The following C2CD4D variants were observed in gnomAD, a reference collection of about 807,000 sequenced individuals.
The protein encoded by C2CD4D is C2 calcium dependent domain containing 4D.
In C2CD4D, 1 loss-of-function variant was observed where a neutral mutation model predicts 0.2. The observed-to-expected ratio is 4.00, with a 90% CI of 1.42 to 18.99. C2CD4D has a LOEUF of 18.99. Ranked by LOEUF, C2CD4D falls within the 30% of genes most tolerant of loss-of-function variation. C2CD4D has a pLI of 0.11. For synonymous variants in C2CD4D, 269 were observed against 279.8 expected (o/e 0.96, Z 0.39); for missense variants, 552 against 551.2 (o/e 1.00, Z -0.01).
exon 2 of C2CD4D, chr1:151,838,254 G>A (rs1215738370): frequency 7.5e-7 from 1 of 1,328,566 alleles, no homozygotes; most frequent in South Asian, 2.4e-5. Flanking sequence ...GACCGCGGCC[G>A]GGGCAGGCCC....
At chr1:151,838,436 C>A in exon 2 of C2CD4D, 3 of 1,418,842 alleles carry the variant, frequency 2.1e-6, no homozygotes, top group Non-Finnish European at 2.8e-6. Context: ...CCCGGCGCGG[C>A]GCGGCGAGTG....
chr1:151,838,196 C>T (rs781075606), exon 2 of C2CD4D: 2 of 1,549,448 alleles, frequency 1.3e-6, no homozygotes, highest in Non-Finnish European at 1.7e-6. Context: ...GACGCGGGGC[C>T]GCAGCCTCAG....
rs560988825 is a variant in C2CD4D at position 151,838,105 on chromosome 1, G to T, written c.885C>A (p.Leu295=). 3.2e-6 allele frequency: 5 copies of T among 1,551,326 alleles called. No homozygotes were observed. In the African/African-American group the frequency reaches 6.8e-5, roughly 21 times the overall value. ...TGCGGGCGGCCAGGTCCGGGGGGCC[G>T]AGCCCGTCGAAAAAGAAATCCTCGT... Residue 295 remains leucine, a synonymous_variant, in exon 2 of 2, where the codon CTC becomes CTA. Transcript: ENST00000454109.
exon 2 of C2CD4D, chr1:151,838,921 G>A: frequency 6.5e-7 from 1 of 1,549,888 alleles, no homozygotes; most frequent in Non-Finnish European, 8.7e-7. Context: ...AGAACAGGCC[G>A]GAAGGCGCCC....
At chr1:151,839,521 C>A (rs149863909) in intron 1 of C2CD4D, among the ~76,000 whole-genome samples, 143 bp downstream of exon 1, 1 of 152,196 alleles carries the variant, frequency 6.6e-6, no homozygotes, top group African/African-American at 2.4e-5. Context: ...TCCAGTCTGG[C>A]GCCCCTTGGG....
At chr1:151,839,051 C>T (rs1446471025) in exon 2 of C2CD4D, 23 of 1,514,814 alleles carry the variant, frequency 1.5e-5, no homozygotes, top group Non-Finnish European at 2.0e-5. Context: ...AATCCCGTCT[C>T]AGATGGGAGT....
At chr1:151,838,116 A>C in exon 2 of C2CD4D, 2 of 1,551,386 alleles carry the variant, frequency 1.3e-6, no homozygotes, top group Non-Finnish European at 1.7e-6. Flanking sequence ...AGCCCGTCGA[A>C]AAAGAAATCC....
At chr1:151,839,780 T>A (rs2101690064) in intron 1 of C2CD4D, among the ~76,000 whole-genome samples, 1 of 152,182 alleles carries the variant, frequency 6.6e-6, no homozygotes, top group East Asian at 1.9e-4. Flanking sequence ...GCCCTGACCG[T>A]CCAGCTCCCG....
At chr1:151,838,808 C>T in exon 2 of C2CD4D, 1 of 1,410,568 alleles carries the variant, frequency 7.1e-7, no homozygotes, top group South Asian at 1.6e-5. Context: ...CACTGCGCCG[C>T]CCGGGTCCGG....
At chr1:151,838,196 C>G (rs781075606) in exon 2 of C2CD4D, 2 of 1,549,336 alleles carry the variant, frequency 1.3e-6, no homozygotes, top group African/African-American at 1.4e-5. Context: ...GACGCGGGGC[C>G]GCAGCCTCAG....
chr1:151,839,065 C>G, exon 2 of C2CD4D: 11 of 1,483,438 alleles, frequency 7.4e-6, no homozygotes, highest in Non-Finnish European at 1.0e-5. Context: ...TGGGAGTGCT[C>G]GGCGGAGCGG....
Position 151,838,287 on chromosome 1 carries a change from G to A in C2CD4D, c.703C>T (p.Arg235Trp). Residue 235 changes from arginine (R) to tryptophan (W), a missense_variant, in exon 2 of 2, where the codon CGG (arginine) becomes TGG (tryptophan). By Grantham distance (101) the Arg-to-Trp change is moderately radical. Transcript: ENST00000454109. ...CCCTCGGCGCTCACTAGGCGCAGCC[G>A]CAGCCGCCCGGGCCCGGCCTGATAT... 3 of 1,324,474 alleles carry A rather than the reference G, an allele frequency of 2.3e-6. No individual in the cohort carries two copies. The African/African-American group carries it at 4.6e-5, about 20-fold the overall frequency. The allele number at this position is 1,324,474 out of a possible 1,614,324, so 82.0% of individuals were successfully genotyped here.
chr1:151,840,556 C>T (rs1652757956), exon 1 of C2CD4D: 1 of 152,268 alleles, frequency 6.6e-6, no homozygotes, highest in Non-Finnish European at 1.5e-5. Flanking sequence ...CTGCATTATT[C>T]TGGCTAATAG....
At chr1:151,838,085 G>A (rs1250824733) in exon 2 of C2CD4D, 1 of 1,551,488 alleles carries the variant, frequency 6.4e-7, no homozygotes, top group East Asian at 2.4e-5. Flanking sequence ...CAGGCTGCGG[G>A]CGGCCAGGTC....
exon 2 of C2CD4D, chr1:151,838,418 G>A (rs1440246362): frequency 7.0e-7 from 1 of 1,430,434 alleles, no homozygotes; most frequent in Non-Finnish European, 9.1e-7. Flanking sequence ...GAGCGGCGGC[G>A]TGGGCGGCCC....
chr1:151,838,942 A>C, exon 2 of C2CD4D: 1 of 1,550,052 alleles, frequency 6.5e-7, no homozygotes, highest in Non-Finnish European at 8.7e-7. Context: ...AACGGGCCGC[A>C]GGCTCCGCGG....
At chr1:151,839,432 C>A (rs1485810587) in intron 1 of C2CD4D, among the ~76,000 whole-genome samples, 2 of 152,168 alleles carry the variant, frequency 1.3e-5, no homozygotes, top group African/African-American at 4.8e-5. Flanking sequence ...AGATCCCAAC[C>A]CCCCTGGGAC....
intron 1 of C2CD4D, among the ~76,000 whole-genome samples, 131 bp downstream of exon 1, chr1:151,839,533 C>G (rs988386507): frequency 2.0e-5 from 3 of 152,198 alleles, no homozygotes; most frequent in African/African-American, 4.8e-5. Context: ...CCCCTTGGGA[C>G]TTCCTCCCTT....
chr1:151,839,356 T>C (rs1652709528), intron 1 of C2CD4D, 136 bp from the exon 2 acceptor site: 1 of 269,610 alleles, frequency 3.7e-6, no homozygotes, highest in Non-Finnish European at 7.0e-6. Context: ...CCATATAGTA[T>C]CCACCAGAAC....
Sources: allele counts gnomAD v4.1 joint callset (sites outside exome capture counted in the v4.1 genomes callset), GRCh38; gene constraint gnomAD v4.1.1; transcripts MANE v1.5; gene names NCBI Gene and HGNC (gene_info 2026-07-23, HGNC 2026-07-21).